Variants in KIRREL3 observed in about 807,000 individuals in gnomAD.
KIRREL3 encodes the protein kirre like nephrin family adhesion molecule 3.
A neutral mutation model predicts 89.7 loss-of-function variants in KIRREL3; 36 were observed. The observed-to-expected ratio is 0.40, with a 90% CI of 0.31 to 0.53. The LOEUF (loss-of-function observed/expected upper bound fraction) is 0.53. KIRREL3 is among the 20% of genes least tolerant of loss of function. KIRREL3 has a pLI of 0.49. For synonymous variants in KIRREL3, 445 were observed against 441.4 expected, an observed-to-expected ratio of 1.01 and a Z score of -0.10; for missense variants, 864 against 1,056.6, an observed-to-expected ratio of 0.82 and a Z score of 2.53.
At chr11:126,829,545 C>A (rs1255904278) in intron 1 of KIRREL3, among the ~76,000 whole-genome samples, 1 of 152,084 alleles carries the variant, frequency 6.6e-6, no homozygotes, top group Non-Finnish European at 1.5e-5. Context: ...TTCTTACCTG[C>A]CCTGGAGTTA....
intron 2 of KIRREL3, among the ~76,000 whole-genome samples, chr11:126,540,198 G>A (rs535571153): frequency 1.3e-5 from 2 of 152,152 alleles, no homozygotes; most frequent in African/African-American, 2.4e-5. Flanking sequence ...TCCCAGCATC[G>A]CCACCTGCAG....
At chr11:126,588,324 T>A (rs1941969257) in intron 1 of KIRREL3, among the ~76,000 whole-genome samples, 1 of 152,218 alleles carries the variant, frequency 6.6e-6, no homozygotes, top group Non-Finnish European at 1.5e-5. Context: ...TGGGAATAAG[T>A]GTACTCAGCC....
At chr11:127,002,977 A>AT (rs55906435), upstream of KIRREL3, 29,109 of 152,022 alleles carry the variant, frequency 0.19, 3,176 homozygotes, top group African/African-American at 0.28. Flanking sequence ...TCGCTCTCCC[A>AT]TTGGCCCCCA....
Position 126,666,060 on chromosome 11 carries a change from G to A in KIRREL3, c.56-103148C>T, listed in dbSNP as rs1048526280. Reference sequence around the variant, plus strand: ...ATCTGGACCTTTTTATTTTGAAGGCGCTCCTCGGAGATTCTGATTTGCATC... The same window carrying A: ...ATCTGGACCTTTTTATTTTGAAGGCACTCCTCGGAGATTCTGATTTGCATC... On this transcript the variant is annotated intron_variant, in intron 1 of 16. Transcript: ENST00000525144. This position sits in a 1 kb window ranked among gnomAD's most constrained non-coding sequence, Gnocchi z 4.2. 1.3e-5 allele frequency among the ~76,000 whole-genome samples: 2 copies of A among 152,186 alleles called. No individual in the cohort carries two copies. The highest frequency in any genetic ancestry group is 4.8e-5 in the African/African-American group (2 of 41,434).
rs1943027283 is a variant in KIRREL3, at chr11:126,609,397, CA to C, written c.56-46486del. Among the ~76,000 whole-genome samples, 1 of 152,170 alleles carries C rather than the reference CA, an allele frequency of 6.6e-6. No individual in the cohort carries two copies. The highest frequency in any genetic ancestry group is 6.5e-5 in the Admixed American group (1 of 15,286). The stretch of plus-strand genomic sequence containing the variant: ...TTCCTTTCGTCTCTCCTGAGTATGA[CA>C]ACTGTGGTTAAGCAACCAGAGTTAT... On this transcript the variant is annotated intron_variant, in intron 1 of 16. Coordinates refer to ENST00000525144, the MANE Select transcript of KIRREL3 (RefSeq NM_032531.4). The surrounding 1 kb of genome is among the most constrained non-coding windows in gnomAD (Gnocchi z 5.0).
At chr11:126,465,703 G>A (rs1294104199) in intron 5 of KIRREL3, among the ~76,000 whole-genome samples, 1 of 152,202 alleles carries the variant, frequency 6.6e-6, no homozygotes, top group Admixed American at 6.5e-5. Flanking sequence ...CCTGGGCAGA[G>A]GGGCTGGAGG....
intron 1 of KIRREL3, among the ~76,000 whole-genome samples, chr11:126,775,066 G>C (rs1332038076): frequency 6.6e-6 from 1 of 152,078 alleles, no homozygotes; most frequent in East Asian, 1.9e-4. Context: ...TGTCTGCTAG[G>C]CTTTAGTTTT....
In KIRREL3 at chr11:126,574,085, C is replaced by T. The variant is rs772583944; in HGVS notation, c.56-11173G>A. ...TTCTGAGGGACTAGAACATCGGTTG[C>T]GGAATGTGGAAACCAGGTTAACTGA... On this transcript the variant is annotated intron_variant, in intron 1 of 16. Coordinates refer to ENST00000525144, the MANE Select transcript of KIRREL3 (RefSeq NM_032531.4). The surrounding 1 kb of genome is among the most constrained non-coding windows in gnomAD (Gnocchi z 5.3). Among the ~76,000 whole-genome samples the T allele has an allele frequency of 3.9e-5, 6 of 152,192 alleles. No homozygotes were observed. Among genetic ancestry groups the T allele is most frequent in the Non-Finnish European group, 5.9e-5 (4 of 68,038 alleles).
rs986564519 is a variant in KIRREL3 at position 126,715,592 on chromosome 11, T to G, written c.56-152680A>C. The stretch of plus-strand genomic sequence containing the variant: ...CTTGAGAAAATGCAGTTTGGGAATA[T>G]AGGAGAACGTGGACCATTTTGCAAA... On this transcript the variant is annotated intron_variant, in intron 1 of 16. Coordinates refer to ENST00000525144, the MANE Select transcript of KIRREL3 (RefSeq NM_032531.4). The surrounding 1 kb of genome is among the most constrained non-coding windows in gnomAD (Gnocchi z 4.4). Among the ~76,000 whole-genome samples, 2 of 151,976 alleles carry G rather than the reference T, an allele frequency of 1.3e-5. No individual in the cohort carries two copies. Among genetic ancestry groups the G allele is most frequent in the African/African-American group, 4.8e-5 (2 of 41,366 alleles).
Position 126,783,790 on chromosome 11 carries a change from G to A in KIRREL3, c.55+216665C>T, listed in dbSNP as rs148802506. Among the ~76,000 whole-genome samples the A allele has an allele frequency of 3.2e-3, 484 of 152,356 alleles. 1 individual carries two copies. The highest frequency in any genetic ancestry group is 0.01 in the African/African-American group (419 of 41,582). On this transcript the variant is annotated intron_variant, in intron 1 of 16. Coordinates refer to ENST00000525144, the MANE Select transcript of KIRREL3 (RefSeq NM_032531.4). This position sits in a 1 kb window ranked among gnomAD's most constrained non-coding sequence, Gnocchi z 4.3. The stretch of plus-strand genomic sequence containing the variant: ...TCCTTAAGCGTGGGCTGCACATAGT[G>A]ACTTCCTTCTAAAGAATACAGTGTG...
intron 1 of KIRREL3, among the ~76,000 whole-genome samples, chr11:126,902,860 C>T (rs999765278): frequency 7.2e-5 from 11 of 152,170 alleles, no homozygotes; most frequent in African/African-American, 4.8e-5. Flanking sequence ...CCTTCTGAGG[C>T]TACATGGTTG....
Position 126,812,506 on chromosome 11 carries a change from C to T in KIRREL3, c.55+187949G>A, listed in dbSNP as rs78135503. Among the ~76,000 whole-genome samples, 156 of 152,258 alleles carry T rather than the reference C, an allele frequency of 1.0e-3. 2 individuals are homozygous for T. The East Asian group carries it at 0.024, about 23-fold the overall frequency. On this transcript the variant is annotated intron_variant, in intron 1 of 16. Transcript: ENST00000525144. This position sits in a 1 kb window ranked among gnomAD's most constrained non-coding sequence, Gnocchi z 5.2. ...CCATGAAAGGCAAGACAGATGCACA[C>T]GAGTCAGTTCTGCCACTCCAGTACT...
intron 1 of KIRREL3, among the ~76,000 whole-genome samples, chr11:126,591,103 G>A (rs914970783): frequency 1.3e-4 from 20 of 152,140 alleles, no homozygotes; most frequent in African/African-American, 4.6e-4. Context: ...GTGTGTGCCT[G>A]TAGTCCCAGC....
intron 1 of KIRREL3, among the ~76,000 whole-genome samples, chr11:126,852,737 G>C (rs892818938): frequency 6.6e-6 from 1 of 152,170 alleles, no homozygotes; most frequent in Non-Finnish European, 1.5e-5. Context: ...TTTCAAAGGA[G>C]AAACTGAGGC....
intron 1 of KIRREL3, among the ~76,000 whole-genome samples, chr11:126,975,206 A>G (rs1233955091): frequency 6.6e-6 from 1 of 152,208 alleles, no homozygotes; most frequent in Non-Finnish European, 1.5e-5. Context: ...TACTTCTTCA[A>G]CTGAGTGGTA....
At position 126,918,422 on chromosome 11, in the gene KIRREL3, G is replaced by T. The variant is rs758936342; in HGVS notation, c.55+82033C>A. 1.3e-5 allele frequency among the ~76,000 whole-genome samples: 2 copies of T among 152,202 alleles called. No individual in the cohort carries two copies. The highest frequency in any genetic ancestry group is 2.9e-5 in the Non-Finnish European group (2 of 68,030). On this transcript the variant is annotated intron_variant, in intron 1 of 16. Transcript: ENST00000525144. The surrounding 1 kb of genome is among the most constrained non-coding windows in gnomAD (Gnocchi z 6.5). ...GACCATCCAGGTAGTTTTAGCGTAAGGAGTGAAGTCTTTGTAAACTAAGCT... is the reference window on the plus strand; with the variant it reads ...GACCATCCAGGTAGTTTTAGCGTAATGAGTGAAGTCTTTGTAAACTAAGCT...
chr11:126,660,565 T>C (rs1200922047), intron 1 of KIRREL3, among the ~76,000 whole-genome samples: 1 of 152,160 alleles, frequency 6.6e-6, no homozygotes, highest in Non-Finnish European at 1.5e-5. Context: ...ACCCATTGCC[T>C]GTATAATACA....
rs991814467 is a variant in KIRREL3 at position 126,696,769 on chromosome 11, C to T, written c.56-133857G>A. Reference sequence around the variant, plus strand: ...CCGCCAGTGGACACACCGAACACCCCTCTTGTCCAAACACACTGCAGCTCC... The same window carrying T: ...CCGCCAGTGGACACACCGAACACCCTTCTTGTCCAAACACACTGCAGCTCC... On this transcript the variant is annotated intron_variant, in intron 1 of 16. Transcript: ENST00000525144. This position sits in a 1 kb window ranked among gnomAD's most constrained non-coding sequence, Gnocchi z 4.4. Among the ~76,000 whole-genome samples the T allele has an allele frequency of 6.6e-6, 1 of 152,206 alleles. No individual in the cohort carries two copies. Among genetic ancestry groups the T allele is most frequent in the African/African-American group, 2.4e-5 (1 of 41,452 alleles).
rs1958749880 is a variant in KIRREL3 at position 126,526,304 on chromosome 11, C to T, written c.283+234G>A. 6.6e-6 allele frequency among the ~76,000 whole-genome samples: 1 copy of T among 152,174 alleles called. No individual in the cohort carries two copies. Reference sequence around the variant, plus strand: ...AGGGCAATGTCGAGTTAGGTTAGGACCCACCGCTAGAAGGAGGGTTTGCTT... The same window carrying T: ...AGGGCAATGTCGAGTTAGGTTAGGATCCACCGCTAGAAGGAGGGTTTGCTT... On this transcript the variant is annotated intron_variant, in intron 3 of 16. Coordinates refer to ENST00000525144, the MANE Select transcript of KIRREL3 (RefSeq NM_032531.4). This position sits in a 1 kb window ranked among gnomAD's most constrained non-coding sequence, Gnocchi z 5.7.
Sources: gnomAD v4.1 joint callset for allele counts (sites outside exome capture counted in the v4.1 genomes callset) on GRCh38, gnomAD v4.1.1 for gene constraint, Gnocchi (gnomAD v3.1) non-coding constraint, MANE v1.5 for transcripts, NCBI Gene and HGNC (gene_info 2026-07-23, HGNC 2026-07-21) for gene names.